Variants in ATAD2B observed in about 807,000 individuals in gnomAD.
ATAD2B encodes ATPase family AAA domain containing 2B.
Under a neutral mutation model 167.6 loss-of-function variants are expected in ATAD2B, and 40 were observed. That is an observed-to-expected ratio of 0.24 (90% CI 0.19 to 0.31). The LOEUF (loss-of-function observed/expected upper bound fraction) is 0.31, where lower values mean the gene tolerates loss of function less well. ATAD2B is among the 10% of genes least tolerant of loss of function. The pLI is 1.00. For missense variants in ATAD2B, 1,242 were observed against 1,757.2 expected, an observed-to-expected ratio of 0.71 and a Z score of 5.24; for synonymous variants, 579 against 596.5, an observed-to-expected ratio of 0.97 and a Z score of 0.43.
chr2:23,790,336 A>G (rs1227693689), intron 19 of ATAD2B, among the ~76,000 whole-genome samples: 2 of 152,204 alleles, frequency 1.3e-5, no homozygotes, highest in Admixed American at 1.3e-4. Context: ...ACACTAGGTA[A>G]GATGTACCAG....
rs1676827046 is a variant in ATAD2B, at chr2:23,762,154, T to G, written c.3394+55A>C. ...TGTTTTGTACCCAATTCCTAACATA[T>G]CTACATCATTCTCAGTTGTTCTCAC... On this transcript the variant is annotated intron_variant, in intron 24 of 27. Transcript: ENST00000238789. The G allele has an allele frequency of 4.5e-6, 7 of 1,571,730 alleles. No homozygotes were observed. In the Admixed American group the frequency reaches 5.3e-5, roughly 12 times the overall value.
chr2:23,745,445 G>GGGAAGGGAAGGGAAGGGAAT, downstream of ATAD2B, among the ~76,000 whole-genome samples: 1 of 147,326 alleles, frequency 6.8e-6, no homozygotes. Context: ...GGGAAGGGAA[G>GGGAAGGGAAGGGAAGGGAAT]GGAAGGGAAG....
chr2:23,691,482 T>G, the ATAD2B span: 4 of 600,616 alleles, frequency 6.7e-6, no homozygotes, highest in African/African-American at 7.4e-5. Flanking sequence ...TCTGTTCTTT[T>G]GGGCGTCTCT....
At chr2:23,706,432 C>A in the ATAD2B span, 1 of 1,374,082 alleles carries the variant, frequency 7.3e-7, no homozygotes, top group Non-Finnish European at 9.5e-7. Context: ...ATCTCCAGGG[C>A]CAAGTTGGAA....
chr2:23,711,803 C>T, the ATAD2B span, among the ~76,000 whole-genome samples: 1 of 152,120 alleles, frequency 6.6e-6, no homozygotes. Context: ...AAATATGCTG[C>T]CATGTATTCG....
intron 1 of ATAD2B, among the ~76,000 whole-genome samples, chr2:23,907,311 T>G (rs1424631393): frequency 6.6e-6 from 1 of 152,006 alleles, no homozygotes. Context: ...ACAAGCATTC[T>G]TATACACCAA....
chr2:23,897,121 C>CA (rs909524388), intron 1 of ATAD2B, among the ~76,000 whole-genome samples: 2 of 152,018 alleles, frequency 1.3e-5, no homozygotes, highest in South Asian at 2.1e-4. Context: ...GACTCCGTCT[C>CA]AAAAAAAATT....
chr2:23,741,529 T>A, the ATAD2B span, among the ~76,000 whole-genome samples: 2 of 152,142 alleles, frequency 1.3e-5, no homozygotes, highest in Non-Finnish European at 2.9e-5. Context: ...GATCCCTTCC[T>A]TACACCTTAT....
intron 1 of ATAD2B, among the ~76,000 whole-genome samples, chr2:23,907,834 G>A (rs965957560): frequency 1.1e-4 from 17 of 152,122 alleles, no homozygotes; most frequent in East Asian, 3.9e-4. Flanking sequence ...AAATAACGCC[G>A]CATATCTACA....
At chr2:23,865,138 T>C (rs1227239931) in intron 10 of ATAD2B, among the ~76,000 whole-genome samples, 1 of 152,160 alleles carries the variant, frequency 6.6e-6, no homozygotes, top group Non-Finnish European at 1.5e-5. Flanking sequence ...TTTAATCTAG[T>C]AACTCAGAAC....
At chr2:23,767,415 T>C (rs990610694) in intron 22 of ATAD2B, among the ~76,000 whole-genome samples, 2 of 152,136 alleles carry the variant, frequency 1.3e-5, no homozygotes, top group Non-Finnish European at 1.5e-5. Flanking sequence ...TTACTCCATC[T>C]GTAAGGGTGC....
chr2:23,835,936 CAA>C (rs111774656), intron 13 of ATAD2B, among the ~76,000 whole-genome samples: 4 of 131,786 alleles, frequency 3.0e-5, no homozygotes, highest in Non-Finnish European at 1.7e-5. Context: ...AACTCCATCT[CAA>C]AAAAAAAAAA....
chr2:23,744,636 C>T (rs1674708754), downstream of ATAD2B, among the ~76,000 whole-genome samples: 1 of 152,146 alleles, frequency 6.6e-6, no homozygotes, highest in African/African-American at 2.4e-5. Flanking sequence ...GTACACTGAC[C>T]TGCAGAGGGG....
chr2:23,779,548 T>C (rs1031447871), intron 22 of ATAD2B, among the ~76,000 whole-genome samples: 3 of 152,152 alleles, frequency 2.0e-5, no homozygotes, highest in Non-Finnish European at 4.4e-5. Flanking sequence ...AAAAGATATA[T>C]ATTCTTTGAT....
At chr2:23,736,151 T>G in the ATAD2B span, among the ~76,000 whole-genome samples, 1 of 152,210 alleles carries the variant, frequency 6.6e-6, no homozygotes, top group Non-Finnish European at 1.5e-5. Flanking sequence ...TAGCCAATAT[T>G]TATGTAACTT....
Position 23,757,766 on chromosome 2 carries a change from G to C in ATAD2B, c.3730C>G (p.Leu1244Val), listed in dbSNP as rs1191463931. 8.2e-6 allele frequency: 13 copies of C among 1,588,164 alleles called. No individual in the cohort carries two copies. Among genetic ancestry groups the C allele is most frequent in the Non-Finnish European group, 1.1e-5 (13 of 1,171,244 alleles). The change falls in exon 25 of 28, where the codon CTG (leucine) becomes GTG (valine). Residue 1244 changes from leucine to valine, a missense_variant. Coordinates refer to ENST00000238789, the MANE Select transcript of ATAD2B (RefSeq NM_017552.4). Reference protein sequence around the residue: ...TEEESSNESLLVNSSSSLNPE... With the variant: ...TEEESSNESLVVNSSSSLNPE... ...TTTAAGGAACTGCTGCTGTTGACCA[G>C]TAGAGATTCATTTGAACTTTCCTCC...
chr2:23,898,499 G>A (rs1044696302), intron 1 of ATAD2B, among the ~76,000 whole-genome samples: 7 of 152,162 alleles, frequency 4.6e-5, no homozygotes, highest in African/African-American at 1.7e-4. Flanking sequence ...GACCTCACAC[G>A]TACTGATTGA....
At chr2:23,918,664 G>C (rs1703436109) in intron 1 of ATAD2B, among the ~76,000 whole-genome samples, 1 of 152,104 alleles carries the variant, frequency 6.6e-6, no homozygotes, top group African/African-American at 2.4e-5. Flanking sequence ...GCAGGTAAAA[G>C]TTGTCTATAA....
intron 6 of ATAD2B, among the ~76,000 whole-genome samples, chr2:23,883,896 C>T (rs1698317337): frequency 6.6e-6 from 1 of 152,118 alleles, no homozygotes; most frequent in African/African-American, 2.4e-5. Flanking sequence ...GTAATGCTAG[C>T]ACTTTGGGAG....
Sources: allele counts gnomAD v4.1 joint callset (sites outside exome capture counted in the v4.1 genomes callset), GRCh38; gene constraint gnomAD v4.1.1; transcripts MANE v1.5; gene names NCBI Gene and HGNC (gene_info 2026-07-23, HGNC 2026-07-21).